CFAP99: variants seen among roughly 807,000 people sequenced by gnomAD.
CFAP99 encodes the protein cilia- and flagella-associated protein 99.
CFAP99 carries 84 observed loss-of-function variants against 82.7 expected under a neutral mutation model. That is an observed-to-expected ratio of 1.02 (90% CI 0.85 to 1.22). The LOEUF (loss-of-function observed/expected upper bound fraction) is 1.22, where lower values mean the gene tolerates loss of function less well. Among genes scored for constraint, CFAP99 ranks in the 50% most tolerant of loss-of-function variants. CFAP99 has a pLI of 0.00. For missense variants in CFAP99, 1,059 were observed against 983.5 expected (o/e 1.08, Z -1.03); for synonymous variants, 456 against 429.5 (o/e 1.06, Z -0.76).
chr4:2,460,518 T>G (rs1734597921), intron 14 of CFAP99, among the ~76,000 whole-genome samples: 1 of 152,224 alleles, frequency 6.6e-6, no homozygotes, highest in African/African-American at 2.4e-5. Flanking sequence ...CCATATGTGC[T>G]TCACGTAGCC....
chr4:2,446,095 T>C lies in CFAP99; in HGVS notation c.642+787T>C, dbSNP rs934205797. The stretch of plus-strand genomic sequence containing the variant: ...AGGGCTATATGGGAGGGGAAGGGGA[T>C]GGTGCTGGGAGGCCCCAGAATCCTG... On this transcript the variant is annotated intron_variant, in intron 6 of 14. Transcript: ENST00000635017. This position sits in a 1 kb window ranked among gnomAD's most constrained non-coding sequence, Gnocchi z 5.0. Among the ~76,000 whole-genome samples, 4 of 152,216 alleles carry C rather than the reference T, an allele frequency of 2.6e-5. No individual in the cohort carries two copies.
At chr4:2,422,320 G>T (rs1182636366) in intron 1 of CFAP99, among the ~76,000 whole-genome samples, 3 of 152,154 alleles carry the variant, frequency 2.0e-5, no homozygotes, top group Non-Finnish European at 2.9e-5. Flanking sequence ...GGGTTCCAGG[G>T]GCAGGGCAGG....
At chr4:2,449,296 C>T (rs1453219980) in intron 6 of CFAP99, among the ~76,000 whole-genome samples, 1 of 152,146 alleles carries the variant, frequency 6.6e-6, no homozygotes, top group Non-Finnish European at 1.5e-5. Flanking sequence ...CCTGCCCAGG[C>T]AGCCATCTTC....
intron 5 of CFAP99, among the ~76,000 whole-genome samples, chr4:2,443,960 C>G (rs1734106629): frequency 6.6e-6 from 1 of 152,136 alleles, no homozygotes; most frequent in African/African-American, 2.4e-5. Flanking sequence ...AAGGGATCCA[C>G]TTTTTCTTCC....
Position 2,445,360 on chromosome 4 carries a change from AAGCTGGGAGAGTGGACT to A in CFAP99, c.642+53_642+69del. On this transcript the variant is annotated intron_variant, in intron 6 of 14. Coordinates refer to ENST00000635017, the Ensembl canonical transcript of CFAP99. ...CTGGCTTGCAGGCATCAGGGTAGCC[AAGCTGGGAGAGTGGACT>A]GTGTGGGCCTGTGGGGGACTGGGCT... The A allele has an allele frequency of 2.4e-6, 3 of 1,275,902 alleles. No individual in the cohort carries two copies. In the South Asian group the frequency reaches 8.3e-5, roughly 35 times the overall value. 79.0% of individuals were successfully genotyped at this position (1,275,902 alleles called of 1,614,324 possible).
chr4:2,452,084 C>A, intron 10 of CFAP99, 58 bp from the exon 11 acceptor site: 1 of 1,515,892 alleles, frequency 6.6e-7, no homozygotes, highest in Non-Finnish European at 8.9e-7. Flanking sequence ...CTGTGACCAC[C>A]CAGCAGCCTC....
chr4:2,455,911 T>C (rs971956226), intron 11 of CFAP99, among the ~76,000 whole-genome samples: 3 of 152,226 alleles, frequency 2.0e-5, no homozygotes, highest in African/African-American at 7.2e-5. Flanking sequence ...TCAATGTGTT[T>C]TAATGAACTA....
Position 2,462,896 on chromosome 4 carries a change from C to T in CFAP99, c.2115C>T (p.Pro705=). 1 of 1,324,156 alleles carries T rather than the reference C, an allele frequency of 7.6e-7. No individual in the cohort carries two copies. Among genetic ancestry groups the T allele is most frequent in the South Asian group, 2.1e-5 (1 of 48,554 alleles). 82.0% of individuals were successfully genotyped at this position (1,324,156 alleles called of 1,614,324 possible). A position where few individuals can be genotyped will look rare whatever the true frequency, so the allele number is the denominator to read the frequency against. ...CGCTGCAGCAGGGAGGCTCAGGACC[C>T]GGGCCCGCGCGCCGCCTGGAGGCCG... is the stretch of plus-strand genomic sequence containing the variant. Residue 705 remains proline, a synonymous_variant, in exon 15 of 15, where the codon CCC becomes CCT. Transcript: ENST00000635017. The surrounding 1 kb of genome is among the most constrained non-coding windows in gnomAD (Gnocchi z 4.1).
At chr4:2,452,658 G>A (rs561624652) in intron 11 of CFAP99, among the ~76,000 whole-genome samples, 4 of 152,248 alleles carry the variant, frequency 2.6e-5, no homozygotes, top group East Asian at 1.9e-4. Flanking sequence ...GCAGGCCTGC[G>A]GTCAGGGACT....
intron 4 of CFAP99, among the ~76,000 whole-genome samples, chr4:2,440,209 G>T (rs1363379601): frequency 2.3e-5 from 3 of 130,356 alleles, no homozygotes; most frequent in African/African-American, 3.3e-5. Context: ...TGCAGTGGCA[G>T]GATCTCGGCT....
chr4:2,451,087 G>A (rs1379799051), intron 9 of CFAP99, 69 bp downstream of exon 9: 24 of 1,494,620 alleles, frequency 1.6e-5, no homozygotes, highest in African/African-American at 2.8e-5. Flanking sequence ...TTTTCTGCCC[G>A]TAGAGGCTCA....
At chr4:2,454,597 T>G (rs1446079814) in intron 11 of CFAP99, among the ~76,000 whole-genome samples, 3 of 150,122 alleles carry the variant, frequency 2.0e-5, no homozygotes, top group African/African-American at 7.3e-5. Flanking sequence ...TTTTTTTGTT[T>G]TTTTTTTTTT....
Position 2,443,253 on chromosome 4 carries a change from T to C in CFAP99, c.464+11T>C. The C allele has an allele frequency of 1.3e-6, 2 of 1,489,872 alleles. No individual in the cohort carries two copies. Among genetic ancestry groups the C allele is most frequent in the Admixed American group, 3.9e-5 (2 of 50,928 alleles). The allele number at this position is 1,489,872 out of a possible 1,614,324, so 92.3% of individuals were successfully genotyped here. A position where few individuals can be genotyped will look rare whatever the true frequency, so the allele number is the denominator to read the frequency against. ...CGACCCCCTGATGAGGTAGGCTGGA[T>C]GGGGGGCTCTGGGGGCCCTGAATGG... On this transcript the variant is annotated intron_variant, in intron 5 of 14. Transcript: ENST00000635017.
At chr4:2,457,103 C>T (rs909001222) in intron 11 of CFAP99, among the ~76,000 whole-genome samples, 1 of 151,974 alleles carries the variant, frequency 6.6e-6, no homozygotes, top group African/African-American at 2.4e-5. Flanking sequence ...CAGGCAGGAG[C>T]CACCGGGCCT....
At chr4:2,445,596 T>C (rs371643766) in intron 6 of CFAP99, among the ~76,000 whole-genome samples, 24 of 152,184 alleles carry the variant, frequency 1.6e-4, no homozygotes, top group African/African-American at 5.5e-4. Context: ...CTGTCGGGAG[T>C]TGGAGCTTGG....
rs1440950035 is a variant in CFAP99, at chr4:2,437,033, G to A, written c.256+15G>A. 6.5e-7 allele frequency: 1 copy of A among 1,535,802 alleles called. No homozygotes were observed. Among genetic ancestry groups the A allele is most frequent in the African/African-American group, 1.4e-5 (1 of 73,040 alleles). On this transcript the variant is annotated intron_variant, in intron 3 of 14. Transcript: ENST00000635017. ...CCGCTTCGAGGGTAGGTGCCTGGCT[G>A]GTCCCCAGGGCCAGGCCGTAGAGAC...
intron 13 of CFAP99, among the ~76,000 whole-genome samples, chr4:2,459,564 G>A (rs1213821209): frequency 1.3e-5 from 2 of 152,198 alleles, no homozygotes; most frequent in African/African-American, 4.8e-5. Flanking sequence ...AGGGTGGAAA[G>A]GGCAGTGTAG....
At chr4:2,438,943 T>G (rs1733978985) in intron 4 of CFAP99, among the ~76,000 whole-genome samples, 1 of 152,142 alleles carries the variant, frequency 6.6e-6, no homozygotes, top group East Asian at 1.9e-4. Flanking sequence ...GCTTCAGGGG[T>G]CCAAGGGAAT....
chr4:2,462,831 T>C lies in CFAP99; in HGVS notation c.2050T>C (p.Trp684Arg). The change falls in exon 15 of 15, where the codon TGG becomes CGG. Residue 684 changes from tryptophan (W) to arginine (R), a missense_variant. Coordinates refer to ENST00000635017, the Ensembl canonical transcript of CFAP99. The surrounding 1 kb of genome is among the most constrained non-coding windows in gnomAD (Gnocchi z 4.1). The stretch of plus-strand genomic sequence containing the variant: ...GCAGGCGCAGCTAGAGGCGCAGCAC[T>C]GGCTGGAGCTGGAGCGGAGCCGCGA... 1 of 1,377,320 alleles carries C rather than the reference T, an allele frequency of 7.3e-7. No individual in the cohort carries two copies. The allele number at this position is 1,377,320 out of a possible 1,614,324, so 85.3% of individuals were successfully genotyped here. A position where few individuals can be genotyped will look rare whatever the true frequency, so the allele number is the denominator to read the frequency against.
Sources: allele counts gnomAD v4.1 joint callset (sites outside exome capture counted in the v4.1 genomes callset), GRCh38; gene constraint gnomAD v4.1.1; non-coding constraint Gnocchi (gnomAD v3.1); transcripts MANE v1.5; gene names NCBI Gene and HGNC (gene_info 2026-07-23, HGNC 2026-07-21).